GLIS3: variants seen among roughly 807,000 people sequenced by gnomAD.
GLIS3 encodes zinc finger protein GLIS3.
Under a neutral mutation model 78.6 loss-of-function variants are expected in GLIS3, and 53 were observed. The ratio of observed to expected loss-of-function variants is 0.67; its 90% CI spans 0.54 to 0.85. The LOEUF is 0.85. Ranked by LOEUF, GLIS3 falls within the 40% of genes least tolerant of loss-of-function variation. The pLI is 0.00. For synonymous variants in GLIS3, 684 were observed against 509.9 expected, an observed-to-expected ratio of 1.34 and a Z score of -4.60; for missense variants, 1,703 against 1,231.1, an observed-to-expected ratio of 1.38 and a Z score of -5.74.
intron 2 of GLIS3, among the ~76,000 whole-genome samples, chr9:4,253,976 T>A (rs1824664137): frequency 6.6e-6 from 1 of 152,156 alleles, no homozygotes; most frequent in African/African-American, 2.4e-5. Context: ...GCCAGGTACC[T>A]CAGTTGGAAA....
intron 2 of GLIS3, among the ~76,000 whole-genome samples, chr9:4,330,471 G>A (rs1055286540): frequency 2.0e-5 from 3 of 152,210 alleles, no homozygotes; most frequent in Non-Finnish European, 4.4e-5. Context: ...ATTAAAAAGC[G>A]AAAGACCCAG....
At chr9:3,959,497 A>T (rs1817394294) in intron 4 of GLIS3, among the ~76,000 whole-genome samples, 1 of 152,186 alleles carries the variant, frequency 6.6e-6, no homozygotes, top group Non-Finnish European at 1.5e-5. Context: ...TTCCTACAGT[A>T]CCCAAAAGAA....
chr9:3,913,964 A>G (rs1824319384), intron 6 of GLIS3, among the ~76,000 whole-genome samples: 1 of 152,202 alleles, frequency 6.6e-6, no homozygotes, highest in African/African-American at 2.4e-5. Flanking sequence ...TTATTAATCC[A>G]TGCTTAACCT....
chr9:4,175,243 A>G (rs928593681), intron 2 of GLIS3, among the ~76,000 whole-genome samples: 10 of 152,144 alleles, frequency 6.6e-5, no homozygotes, highest in African/African-American at 2.4e-4. Context: ...ACTGAAGGTA[A>G]TATCAAAATC....
At chr9:3,838,488 G>A (rs918137128) in intron 9 of GLIS3, among the ~76,000 whole-genome samples, 8 of 152,278 alleles carry the variant, frequency 5.3e-5, no homozygotes, top group African/African-American at 1.9e-4. Flanking sequence ...TGAATCCAGG[G>A]ATTCTGCTTC....
intron 6 of GLIS3, among the ~76,000 whole-genome samples, chr9:3,922,964 A>G (rs564426804): frequency 6.6e-6 from 1 of 152,230 alleles, no homozygotes; most frequent in Non-Finnish European, 1.5e-5. Flanking sequence ...GAGAATCCTC[A>G]TTTCCTTTTT....
chr9:4,026,520 G>A (rs901688719), intron 4 of GLIS3, among the ~76,000 whole-genome samples: 2 of 151,636 alleles, frequency 1.3e-5, no homozygotes, highest in African/African-American at 4.9e-5. Flanking sequence ...CCAAAAAGGA[G>A]GAAAAAAATC....
chr9:4,289,744 A>T (rs777429816), intron 1 of GLIS3, among the ~76,000 whole-genome samples: 8 of 152,128 alleles, frequency 5.3e-5, no homozygotes, highest in Non-Finnish European at 1.2e-4. Context: ...ACATTGTGGC[A>T]TAGCTAGAGT....
At chr9:4,265,870 A>T (rs1825949801) in intron 2 of GLIS3, among the ~76,000 whole-genome samples, 1 of 151,614 alleles carries the variant, frequency 6.6e-6, no homozygotes, top group East Asian at 1.9e-4. Flanking sequence ...CAAAAGCAGA[A>T]TGTTTTAGTA....
intron 2 of GLIS3, among the ~76,000 whole-genome samples, chr9:4,326,775 CAT>C (rs1366204044): frequency 6.6e-6 from 1 of 152,058 alleles, no homozygotes; most frequent in African/African-American, 2.4e-5. Context: ...GAATTGGAAA[CAT>C]AGGCTGGAAG....
the GLIS3 span, among the ~76,000 whole-genome samples, chr9:4,429,104 G>A: frequency 6.6e-6 from 1 of 152,102 alleles, no homozygotes; most frequent in African/African-American, 2.4e-5. Context: ...AACCAGCCTG[G>A]AAGTGGCAGT....
At chr9:3,912,365 C>G (rs1824212694) in intron 6 of GLIS3, among the ~76,000 whole-genome samples, 1 of 152,086 alleles carries the variant, frequency 6.6e-6, no homozygotes, top group Non-Finnish European at 1.5e-5. Context: ...TATTCTATCT[C>G]AGGAGAATGT....
intron 9 of GLIS3, among the ~76,000 whole-genome samples, chr9:3,854,340 A>G (rs1819619968): frequency 6.6e-6 from 1 of 152,192 alleles, no homozygotes; most frequent in Non-Finnish European, 1.5e-5. Flanking sequence ...AGAAGGTAAA[A>G]ATGACCATGG....
upstream of GLIS3, among the ~76,000 whole-genome samples, chr9:4,352,786 G>C (rs981615325): frequency 1.3e-5 from 2 of 152,134 alleles, no homozygotes; most frequent in African/African-American, 4.8e-5. Flanking sequence ...ATACAGAATT[G>C]GTCATAAATA....
In GLIS3 at chr9:3,856,165, A is replaced by T. The variant is rs1230781730; in HGVS notation, c.2317T>A (p.Ser773Thr). The change falls in exon 9 of 11, where the codon TCT (serine) becomes ACT (threonine). Residue 773 changes from serine to threonine, a missense_variant. By Grantham distance (58) the Ser-to-Thr change is moderately conservative (BLOSUM62 1). Transcript: ENST00000381971. ...CTCCGGGGGCTGATGTGGTGAGGAG[A>T]TGGAGCAGAAGGTGCAAACCTGAGA... is the stretch of plus-strand genomic sequence containing the variant. Reference protein sequence around the residue: ...GAERFAPSAPSPHHISPRRVP... With the variant: ...GAERFAPSAPTPHHISPRRVP... 6.2e-7 allele frequency: 1 copy of T among 1,614,028 alleles called. No homozygotes were observed. The highest frequency in any genetic ancestry group is 8.5e-7 in the Non-Finnish European group (1 of 1,179,960).
intron 2 of GLIS3, among the ~76,000 whole-genome samples, chr9:4,260,480 T>A (rs1010971187): frequency 1.3e-5 from 2 of 151,716 alleles, no homozygotes; most frequent in Non-Finnish European, 2.9e-5. Context: ...GGCAGGAGAA[T>A]TGCTTGAACT....
chr9:3,981,307 A>G (rs1269571327), intron 4 of GLIS3, among the ~76,000 whole-genome samples: 1 of 152,222 alleles, frequency 6.6e-6, no homozygotes, highest in Non-Finnish European at 1.5e-5. Context: ...TCACCTTAAT[A>G]AGCTCACCCA....
At chr9:4,290,355 C>T (rs1828346423) in intron 1 of GLIS3, among the ~76,000 whole-genome samples, 1 of 152,146 alleles carries the variant, frequency 6.6e-6, no homozygotes, top group African/African-American at 2.4e-5. Context: ...TCTTATATAT[C>T]TGTCTAAGCC....
intron 7 of GLIS3, among the ~76,000 whole-genome samples, chr9:3,896,056 C>G (rs1339393613): frequency 6.6e-6 from 1 of 152,210 alleles, no homozygotes; most frequent in Non-Finnish European, 1.5e-5. Flanking sequence ...TAATCTTCAT[C>G]AAATTGTCTT....
Sources: gnomAD v4.1 joint callset for allele counts (sites outside exome capture counted in the v4.1 genomes callset) on GRCh38, gnomAD v4.1.1 for gene constraint, MANE v1.5 for transcripts, NCBI Gene and HGNC (gene_info 2026-07-23, HGNC 2026-07-21) for gene names.